Variants in CCAR1 observed in about 807,000 individuals in gnomAD.
CCAR1 encodes cell division cycle and apoptosis regulator protein 1.
A neutral mutation model predicts 163.8 loss-of-function variants in CCAR1; 78 were observed. The ratio of observed to expected loss-of-function variants is 0.48; its 90% confidence interval spans 0.40 to 0.57. The LOEUF is 0.57. Ranked by LOEUF, CCAR1 falls within the 20% of genes least tolerant of loss-of-function variation. The pLI is 0.00. For synonymous variants in CCAR1, 443 were observed against 460.7 expected, an observed-to-expected ratio of 0.96 and a Z score of 0.49; for missense variants, 1,019 against 1,365.2, an observed-to-expected ratio of 0.75 and a Z score of 4.00.
At chr10:68,774,899 T>C (rs772970030) in intron 19 of CCAR1, 1 of 379,036 alleles carries the variant, frequency 2.6e-6, no homozygotes, top group African/African-American at 2.2e-5. Flanking sequence ...TAAAAAATTA[T>C]ATTTTTCTGA....
chr10:68,779,550 C>T (rs906997653), intron 19 of CCAR1, among the ~76,000 whole-genome samples: 19 of 152,138 alleles, frequency 1.2e-4, no homozygotes, highest in African/African-American at 2.4e-4. Flanking sequence ...TGAGCCACCA[C>T]GTCCGGCCTA....
intron 2 of CCAR1, among the ~76,000 whole-genome samples, chr10:68,725,209 C>T (rs769643117): frequency 2.6e-5 from 4 of 151,016 alleles, no homozygotes; most frequent in Non-Finnish European, 4.4e-5. Flanking sequence ...CAACAAGGCC[C>T]GGTGCAGCAC....
chr10:68,724,093 G>C (rs2055904196), intron 2 of CCAR1, among the ~76,000 whole-genome samples: 1 of 151,078 alleles, frequency 6.6e-6, no homozygotes, highest in Non-Finnish European at 1.5e-5. Context: ...GGGAGGCAGA[G>C]GTTACAGTGA....
intron 19 of CCAR1, among the ~76,000 whole-genome samples, chr10:68,775,415 T>A (rs1486951579): frequency 6.6e-6 from 1 of 152,042 alleles, no homozygotes; most frequent in Non-Finnish European, 1.5e-5. Flanking sequence ...GTACGCCCAG[T>A]ATTATTTTAT....
chr10:68,732,831 C>T (rs533637533), intron 2 of CCAR1, among the ~76,000 whole-genome samples: 18 of 152,060 alleles, frequency 1.2e-4, no homozygotes, highest in Non-Finnish European at 1.8e-4. Flanking sequence ...GATGCTGAGG[C>T]GAGAGGATTG....
chr10:68,787,384 C>G (rs1464002190), intron 21 of CCAR1, among the ~76,000 whole-genome samples: 1 of 152,118 alleles, frequency 6.6e-6, no homozygotes, highest in Non-Finnish European at 1.5e-5. Flanking sequence ...CCTACCTAGT[C>G]TCCATTGCTG....
chr10:68,756,172 C>T lies in CCAR1; in HGVS notation c.1626-101C>T. 1 of 876,628 alleles carries T rather than the reference C, an allele frequency of 1.1e-6. No individual in the cohort carries two copies. The highest frequency in any genetic ancestry group is 2.8e-5 in the Admixed American group (1 of 36,244). The allele number at this position is 876,628 out of a possible 1,614,324, so 54.3% of individuals were successfully genotyped here. A position where few individuals can be genotyped will look rare whatever the true frequency, so the allele number is the denominator to read the frequency against. ...TTTTTCTTTAGACCAACCTCAAGTT[C>T]TTGCAGCAAAATTTCTTTACTTGAT... On this transcript the variant is annotated intron_variant, in intron 13 of 24. Transcript: ENST00000265872. The surrounding 1 kb of genome is among the most constrained non-coding windows in gnomAD (Gnocchi z 5.1).
chr10:68,751,529 T>C (rs746964458), intron 10 of CCAR1, among the ~76,000 whole-genome samples: 3 of 152,086 alleles, frequency 2.0e-5, no homozygotes, highest in Non-Finnish European at 4.4e-5. Context: ...AGTTGATGCA[T>C]AGGATATGAA....
At chr10:68,753,510 A>G (rs1444405734) in intron 10 of CCAR1, among the ~76,000 whole-genome samples, 1 of 152,200 alleles carries the variant, frequency 6.6e-6, no homozygotes, top group African/African-American at 2.4e-5. Context: ...TTCAACATGA[A>G]CCATAATTTT....
At chr10:68,769,533 T>C (rs2056575322) in intron 17 of CCAR1, among the ~76,000 whole-genome samples, 1 of 151,870 alleles carries the variant, frequency 6.6e-6, no homozygotes, top group Admixed American at 6.6e-5. Context: ...GGCAGGAGAA[T>C]TGCTTGAACC....
Position 68,773,044 on chromosome 10 carries a change from C to A in CCAR1, c.2595C>A (p.Asn865Lys). 1 of 1,565,490 alleles carries A rather than the reference C, an allele frequency of 6.4e-7. No homozygotes were observed. Among genetic ancestry groups the A allele is most frequent in the Non-Finnish European group, 8.7e-7 (1 of 1,150,492 alleles). ...SKDDDETEED[N>K]NQDEYDPMEA... ...ATGATGATGAAACTGAAGAAGATAA[C>A]AATCAAGATGAATATGACCCTATGG... The change falls in exon 19 of 25, where the codon AAC (asparagine) becomes AAA (lysine). Residue 865 changes from asparagine (N) to lysine (K), a missense_variant. By Grantham distance (94) the Asn-to-Lys change is moderately conservative. This residue lies in a region of CCAR1 where 358 missense variants were observed against 406.4 expected (regional missense o/e 0.88). Transcript: ENST00000265872.
intron 23 of CCAR1, among the ~76,000 whole-genome samples, chr10:68,788,780 T>A (rs2056822908): frequency 6.6e-6 from 1 of 152,018 alleles, no homozygotes; most frequent in Non-Finnish European, 1.5e-5. Flanking sequence ...CACCATGCTC[T>A]GCAGGGACCT....
rs1300841362 is a variant in CCAR1 at position 68,791,547 on chromosome 10, G to A, written c.*281G>A. 4 of 202,560 alleles carry A rather than the reference G, an allele frequency of 2.0e-5. No homozygotes were observed. Among genetic ancestry groups the A allele is most frequent in the African/African-American group, 9.2e-5 (4 of 43,274 alleles). 12.5% of individuals were successfully genotyped at this position (202,560 alleles called of 1,614,324 possible). ...GTTTTAACTCCAATAAAGTTCATCA[G>A]TTTAATTGACTGTAGTATTTAATTA... On this transcript the variant is annotated 3_prime_UTR_variant, in exon 25 of 25. Coordinates refer to ENST00000265872, the MANE Select transcript of CCAR1 (RefSeq NM_018237.4).
rs534636604 is a variant in CCAR1, at chr10:68,774,680, A to C, written c.2650+1581A>C. On this transcript the variant is annotated intron_variant, in intron 19 of 24. Transcript: ENST00000265872. ...CATTTTGTTTAACAAAGACTATCATAATGCAAAAGAGTACATATAGAGTTT... is the reference window on the plus strand; with the variant it reads ...CATTTTGTTTAACAAAGACTATCATCATGCAAAAGAGTACATATAGAGTTT... 2.0e-5 allele frequency among the ~76,000 whole-genome samples: 3 copies of C among 152,236 alleles called. No individual in the cohort carries two copies. In the East Asian group the frequency reaches 5.8e-4, roughly 29 times the overall value.
At chr10:68,730,326 AATATAT>A (rs748641938) in intron 2 of CCAR1, among the ~76,000 whole-genome samples, 2 of 145,052 alleles carry the variant, frequency 1.4e-5, no homozygotes, top group African/African-American at 5.1e-5. Flanking sequence ...TTTAAAAAAG[AATATAT>A]ATATATATAT....
chr10:68,781,844 C>CT (rs35200749), intron 19 of CCAR1, among the ~76,000 whole-genome samples: 102,439 of 151,824 alleles, frequency 0.67, 34,973 homozygotes, highest in Non-Finnish European at 0.73. Context: ...GGGCAACACT[C>CT]TGTCTCAAAA....
At chr10:68,789,421 G>C (rs538197229) in intron 23 of CCAR1, among the ~76,000 whole-genome samples, 1 of 151,672 alleles carries the variant, frequency 6.6e-6, no homozygotes, top group Non-Finnish European at 1.5e-5. Flanking sequence ...GTGAAACCCC[G>C]TCTCTAAAAA....
chr10:68,743,796 G>C (rs2056217156), intron 6 of CCAR1, among the ~76,000 whole-genome samples: 3 of 151,922 alleles, frequency 2.0e-5, no homozygotes, highest in Admixed American at 6.6e-5. Flanking sequence ...TGTCACCCAG[G>C]CTGGAGTGCA....
intron 16 of CCAR1, among the ~76,000 whole-genome samples, chr10:68,762,896 A>G (rs556684024): frequency 6.6e-6 from 1 of 152,300 alleles, no homozygotes; most frequent in Non-Finnish European, 1.5e-5. Flanking sequence ...GAGACATAAC[A>G]ACCAAATGAA....
Sources: allele counts gnomAD v4.1 joint callset (sites outside exome capture counted in the v4.1 genomes callset), GRCh38; gene constraint gnomAD v4.1.1; regional missense constraint gnomAD v4.1.1; non-coding constraint Gnocchi (gnomAD v3.1); transcripts MANE v1.5; gene names NCBI Gene and HGNC (gene_info 2026-07-23, HGNC 2026-07-21).